Variants in CACNA1C observed in about 807,000 individuals in gnomAD.
CACNA1C encodes the protein voltage-dependent L-type calcium channel subunit alpha-1C.
A neutral mutation model predicts 229.0 loss-of-function variants in CACNA1C; 30 were observed. That is an observed-to-expected ratio of 0.13 (90% CI 0.10 to 0.18). The LOEUF is 0.18. Ranked by LOEUF, CACNA1C falls within the 10% of genes least tolerant of loss-of-function variation. CACNA1C has a pLI of 1.00. For missense variants in CACNA1C, 1,658 were observed against 2,845.0 expected, an observed-to-expected ratio of 0.58 and a Z score of 9.49; for synonymous variants, 1,114 against 1,132.5, an observed-to-expected ratio of 0.98 and a Z score of 0.33.
intron 1 of CACNA1C, among the ~76,000 whole-genome samples, chr12:2,041,497 C>T (rs972624899): frequency 2.0e-5 from 3 of 151,894 alleles, no homozygotes; most frequent in Non-Finnish European, 2.9e-5. Flanking sequence ...AGGATGGTCT[C>T]GATCTCCTGA....
intron 30 of CACNA1C, 95 bp from the exon 31 acceptor site, chr12:2,648,380 C>A: frequency 8.6e-7 from 1 of 1,156,658 alleles, no homozygotes; most frequent in South Asian, 1.2e-5. Context: ...CCCTCTTCTG[C>A]CACTGTGTTG....
chr12:2,686,113 G>T, intron 44 of CACNA1C, 53 bp from the exon 45 acceptor site: 1 of 1,404,082 alleles, frequency 7.1e-7, no homozygotes, highest in Non-Finnish European at 1.0e-6. Context: ...AACTGTCACA[G>T]GCCAGTGCCC....
At chr12:2,569,658 G>T (rs1328450344) in intron 13 of CACNA1C, among the ~76,000 whole-genome samples, 1 of 152,200 alleles carries the variant, frequency 6.6e-6, no homozygotes, top group African/African-American at 2.4e-5. Context: ...ATATTCCATT[G>T]TAGGGATATA....
chr12:2,264,566 T>C (rs1159363631), intron 3 of CACNA1C, among the ~76,000 whole-genome samples: 1 of 152,248 alleles, frequency 6.6e-6, no homozygotes, highest in Non-Finnish European at 1.5e-5. Flanking sequence ...TCCTAAATGC[T>C]GTGGCTCAGA....
At chr12:2,683,367 G>A (rs950001367) in intron 43 of CACNA1C, among the ~76,000 whole-genome samples, 7 of 152,190 alleles carry the variant, frequency 4.6e-5, no homozygotes, top group Non-Finnish European at 8.8e-5. Flanking sequence ...ACATCTTTAT[G>A]ACTCTGAGTC....
chr12:2,314,229 A>G (rs533348516), intron 3 of CACNA1C, among the ~76,000 whole-genome samples: 50 of 152,218 alleles, frequency 3.3e-4, no homozygotes, highest in African/African-American at 1.0e-3. Context: ...TACTGCTCAT[A>G]TATTCAGATG....
intron 3 of CACNA1C, among the ~76,000 whole-genome samples, chr12:2,191,032 G>A (rs1269803176): frequency 6.6e-6 from 1 of 152,196 alleles, no homozygotes; most frequent in Non-Finnish European, 1.5e-5. Flanking sequence ...ATACTGGGAA[G>A]TGTGGTCCAG....
Position 2,567,832 on chromosome 12 carries a change from A to G in CACNA1C, c.1895+38A>G, listed in dbSNP as rs1324122315. The G allele has an allele frequency of 3.8e-6, 5 of 1,312,850 alleles. No homozygotes were observed. In the African/African-American group the frequency reaches 5.8e-5, roughly 15 times the overall value. The allele number at this position is 1,312,850 out of a possible 1,614,324, so 81.3% of individuals were successfully genotyped here. A position where few individuals can be genotyped will look rare whatever the true frequency, so the allele number is the denominator to read the frequency against. ...CCCTCTCACTTTGAAGAGGGGACTC[A>G]GGAAGAAGTTCTTCCAGAGGGCAAG... is the stretch of plus-strand genomic sequence containing the variant. On this transcript the variant is annotated intron_variant, in intron 13 of 46. Transcript: ENST00000399655.
intron 3 of CACNA1C, among the ~76,000 whole-genome samples, chr12:2,226,545 C>T (rs909228824): frequency 6.6e-6 from 1 of 152,162 alleles, no homozygotes; most frequent in Admixed American, 6.5e-5. Context: ...ATCTAGATAC[C>T]TAGTTTTCCT....
chr12:2,135,877 CG>C (rs1565908780), intron 3 of CACNA1C, among the ~76,000 whole-genome samples: 2 of 141,926 alleles, frequency 1.4e-5, no homozygotes, highest in Admixed American at 1.4e-4. Flanking sequence ...TAATCAAGCC[CG>C]GGCAATGGCG....
At position 2,324,208 on chromosome 12, in the gene CACNA1C, C is replaced by G. The variant is rs539172660; in HGVS notation, c.478-124768C>G. On this transcript the variant is annotated intron_variant, in intron 3 of 46. Coordinates refer to ENST00000399655, the MANE Select transcript of CACNA1C (RefSeq NM_000719.7). Reference sequence around the variant, plus strand: ...CTAGCCTCAGTTTCCCTCAAAAGCCCGGGGGATGGGGCTGACACCTCAGGG... The same window carrying G: ...CTAGCCTCAGTTTCCCTCAAAAGCCGGGGGGATGGGGCTGACACCTCAGGG... Among the ~76,000 whole-genome samples the G allele has an allele frequency of 1.3e-3, 202 of 152,216 alleles. 1 individual carries two copies. The highest frequency in any genetic ancestry group is 2.5e-3 in the Non-Finnish European group (168 of 68,006).
At chr12:2,627,483 C>T (rs769114836) in intron 29 of CACNA1C, among the ~76,000 whole-genome samples, 5 of 152,084 alleles carry the variant, frequency 3.3e-5, no homozygotes, top group Non-Finnish European at 7.3e-5. Flanking sequence ...CCGGTTCATT[C>T]GGCTCTCATC....
At chr12:2,295,033 G>A (rs192819998) in intron 3 of CACNA1C, among the ~76,000 whole-genome samples, 5 of 152,264 alleles carry the variant, frequency 3.3e-5, no homozygotes, top group African/African-American at 9.6e-5. Context: ...CTTTCACCAC[G>A]TCTTCCGGGG....
At chr12:2,309,484 C>A (rs188004312) in intron 3 of CACNA1C, among the ~76,000 whole-genome samples, 21 of 151,258 alleles carry the variant, frequency 1.4e-4, no homozygotes, top group Non-Finnish European at 2.8e-4. Context: ...ACACCACACA[C>A]ACACACATAC....
intron 14 of CACNA1C, among the ~76,000 whole-genome samples, chr12:2,582,552 A>G (rs546566601): frequency 6.6e-6 from 1 of 152,210 alleles, no homozygotes; most frequent in African/African-American, 2.4e-5. Flanking sequence ...GGTCAGCTCA[A>G]GCATGTGTGG....
intron 7 of CACNA1C, among the ~76,000 whole-genome samples, chr12:2,502,421 T>G (rs1803984874): frequency 6.6e-6 from 1 of 152,154 alleles, no homozygotes; most frequent in African/African-American, 2.4e-5. Flanking sequence ...AATAAATAGG[T>G]AATGATACAG....
chr12:1,995,484 A>G (rs2040574397), intron 1 of CACNA1C, among the ~76,000 whole-genome samples: 1 of 152,244 alleles, frequency 6.6e-6, no homozygotes. Context: ...AGACTCATAT[A>G]CCAACGGTTC....
Position 2,552,632 on chromosome 12 carries a change from G to A in CACNA1C, c.1481+2599G>A, listed in dbSNP as rs1240224784. Among the ~76,000 whole-genome samples, 3 of 152,226 alleles carry A rather than the reference G, an allele frequency of 2.0e-5. No individual in the cohort carries two copies. The East Asian group carries it at 5.8e-4, about 29-fold the overall frequency. ...AAAGAGCAGGGAGGAATGAGAAGCT[G>A]CAAGAGCCTGACACAGGTGAGAGGT... On this transcript the variant is annotated intron_variant, in intron 10 of 46. Transcript: ENST00000399655.
In CACNA1C at chr12:2,593,334, C is replaced by T. The variant is rs749129807; in HGVS notation, c.2652C>T (p.Ser884=). ...AAGCCAGCGCGTTTTTCATCTTCAG[C>T]TCTAACAACAGGTGTGCAGCAATGG... ...MPEASAFFIF[S]SNNRFRLQCH... is the part of the protein sequence containing the mutation. Residue 884 remains serine, a synonymous_variant, in exon 19 of 47, where the codon AGC becomes AGT. Transcript: ENST00000399655. The T allele has an allele frequency of 6.2e-7, 1 of 1,613,740 alleles. No homozygotes were observed. Among genetic ancestry groups the T allele is most frequent in the Admixed American group, 1.7e-5 (1 of 60,008 alleles).
Sources: gnomAD v4.1 joint callset for allele counts (sites outside exome capture counted in the v4.1 genomes callset) on GRCh38, gnomAD v4.1.1 for gene constraint, MANE v1.5 for transcripts, NCBI Gene and HGNC (gene_info 2026-07-23, HGNC 2026-07-21) for gene names.